The following CDC16 variants were observed in gnomAD, a reference collection of about 807,000 sequenced individuals.
CDC16 encodes the protein cell division cycle 16.
A neutral mutation model predicts 87.0 loss-of-function variants in CDC16; 34 were observed. The observed-to-expected ratio is 0.39, with a 90% CI of 0.30 to 0.52. CDC16 has a LOEUF of 0.52. Among genes scored for constraint, CDC16 ranks in the 20% least tolerant of loss-of-function variants. CDC16 has a pLI of 0.74. For missense variants in CDC16, 653 were observed against 751.9 expected (o/e 0.87, Z 1.54); for synonymous variants, 263 against 260.6 (o/e 1.01, Z -0.09).
Position 114,259,313 on chromosome 13 carries a change from A to G in CDC16, c.1251-22A>G, listed in dbSNP as rs577377184. ...ATTTGCTAATTTCGAATAATCTGCA[A>G]CCTTTTTTCCTTTCATTTTAGATGG... is the stretch of plus-strand genomic sequence containing the variant. On this transcript the variant is annotated intron_variant, in intron 13 of 17. Coordinates refer to ENST00000356221, the MANE Select transcript of CDC16 (RefSeq NM_001078645.3). 7.7e-6 allele frequency: 12 copies of G among 1,557,494 alleles called. No homozygotes were observed. In the African/African-American group the frequency reaches 1.4e-4, roughly 18 times the overall value.
At chr13:114,264,601 A>G (rs1278899033) in intron 16 of CDC16, among the ~76,000 whole-genome samples, 2 of 151,656 alleles carry the variant, frequency 1.3e-5, no homozygotes, top group African/African-American at 4.8e-5. Flanking sequence ...AGAACTCTGT[A>G]TGGAGATAGA....
At chr13:114,268,257 A>C (rs1443159433) in intron 17 of CDC16, among the ~76,000 whole-genome samples, 1 of 152,184 alleles carries the variant, frequency 6.6e-6, no homozygotes, top group Non-Finnish European at 1.5e-5. Context: ...ATAAATCCCA[A>C]AATTTGGGCT....
rs1057287933 is a variant in CDC16, at chr13:114,257,193, A to G, written c.1213A>G (p.Met405Val). The change falls in exon 13 of 18, where the codon ATG (methionine) becomes GTG (valine). Residue 405 changes from methionine (M) to valine (V), a missense_variant. By Grantham distance (21) the Met-to-Val change is conservative. Transcript: ENST00000356221. ...CATTGCACCGGAAGACCCTTTTGTT[A>G]TGCATGAGGTCGGCGTGGTTGCATT... ...LSIAPEDPFV[M>V]HEVGVVAFQN... is the part of the protein sequence containing the mutation. 5.6e-6 allele frequency: 9 copies of G among 1,613,000 alleles called. No individual in the cohort carries two copies. Among genetic ancestry groups the G allele is most frequent in the Non-Finnish European group, 7.6e-6 (9 of 1,179,316 alleles).
At chr13:114,253,958 A>C (rs190367565) in intron 12 of CDC16, among the ~76,000 whole-genome samples, 32 of 152,284 alleles carry the variant, frequency 2.1e-4, no homozygotes, top group Non-Finnish European at 4.3e-4. Context: ...ATTTCACTTC[A>C]TATATTCTGA....
At chr13:114,239,731 A>G (rs545446831) in intron 5 of CDC16, among the ~76,000 whole-genome samples, 1 of 152,272 alleles carries the variant, frequency 6.6e-6, no homozygotes, top group African/African-American at 2.4e-5. Flanking sequence ...CTTCCTTCTC[A>G]TATTTGATGC....
intron 12 of CDC16, among the ~76,000 whole-genome samples, chr13:114,254,177 G>T (rs181197466): frequency 2.1e-3 from 315 of 151,944 alleles, no homozygotes; most frequent in African/African-American, 7.1e-3. Flanking sequence ...TTCAACTTGT[G>T]TTTTGAATCT....
At chr13:114,251,218 T>G (rs1045098654) in intron 12 of CDC16, among the ~76,000 whole-genome samples, 2 of 152,164 alleles carry the variant, frequency 1.3e-5, no homozygotes, top group African/African-American at 4.8e-5. Flanking sequence ...ACTGCATCCC[T>G]GCCTGGAGAG....
chr13:114,241,573 A>G (rs1185416602), intron 5 of CDC16, among the ~76,000 whole-genome samples: 2 of 152,248 alleles, frequency 1.3e-5, no homozygotes, highest in African/African-American at 4.8e-5. Context: ...TAGCCGTGAC[A>G]TGTACTTTTG....
rs370689410 is a variant in CDC16 at position 114,269,965 on chromosome 13, G to A, written c.1604-2219G>A. 1.9e-3 allele frequency among the ~76,000 whole-genome samples: 283 copies of A among 152,278 alleles called. 1 individual carries two copies. Among genetic ancestry groups the A allele is most frequent in the Middle Eastern group, 3.4e-3 (1 of 292 alleles). On this transcript the variant is annotated intron_variant, in intron 17 of 17. Coordinates refer to ENST00000356221, the MANE Select transcript of CDC16 (RefSeq NM_001078645.3). ...GGGTGATCCGCCCGCCTCAGTCTCC[G>A]AAAGTGCTGGGATTATAGGCGTGAG...
At chr13:114,243,416 GTCTTATAT>G (rs2081662236) in intron 7 of CDC16, 68 bp downstream of exon 7, 1 of 779,546 alleles carries the variant, frequency 1.3e-6, no homozygotes, top group South Asian at 1.5e-5. Context: ...TTGGCATCTA[GTCTTATAT>G]TAAGTTTTCA....
chr13:114,267,611 A>G (rs779601327), intron 17 of CDC16, among the ~76,000 whole-genome samples: 1 of 152,268 alleles, frequency 6.6e-6, no homozygotes, highest in African/African-American at 2.4e-5. Flanking sequence ...TATGCCATAT[A>G]CATTTCTGTG....
At chr13:114,245,054 G>T (rs1041355682) in intron 9 of CDC16, 85 bp downstream of exon 9, 63 of 741,422 alleles carry the variant, frequency 8.5e-5, no homozygotes, top group Non-Finnish European at 1.3e-4. Context: ...TGAAATTCTG[G>T]ATAGTTGAGA....
intron 17 of CDC16, among the ~76,000 whole-genome samples, chr13:114,266,020 C>G (rs2083190735): frequency 6.6e-6 from 1 of 152,158 alleles, no homozygotes; most frequent in African/African-American, 2.4e-5. Flanking sequence ...TCTCCATGTT[C>G]AGGCCAGACT....
At chr13:114,264,061 C>T (rs540261299) in intron 16 of CDC16, among the ~76,000 whole-genome samples, 36 of 152,182 alleles carry the variant, frequency 2.4e-4, no homozygotes, top group Non-Finnish European at 4.9e-4. Flanking sequence ...AACTCATGAG[C>T]GCTTCGTAAC....
intron 3 of CDC16, among the ~76,000 whole-genome samples, chr13:114,237,174 A>C (rs1022292652): frequency 6.6e-6 from 1 of 151,704 alleles, no homozygotes; most frequent in African/African-American, 2.4e-5. Flanking sequence ...CAGTGAGCTG[A>C]GTTCGTGCAT....
At chr13:114,250,743 A>G in intron 12 of CDC16, 69 bp downstream of exon 12, 2 of 1,467,520 alleles carry the variant, frequency 1.4e-6, no homozygotes, top group Non-Finnish European at 1.9e-6. Context: ...AATTTCTATT[A>G]CTATTACTGC....
chr13:114,250,465 C>A, intron 11 of CDC16, 84 bp from the exon 12 acceptor site: 1 of 1,357,998 alleles, frequency 7.4e-7, no homozygotes, highest in Non-Finnish European at 1.0e-6. Context: ...GCACTCCAGC[C>A]TGAGCGACAA....
At position 114,235,144 on chromosome 13, in the gene CDC16, C is replaced by A. The variant is rs1355228137; in HGVS notation, c.48+12C>A. The A allele has an allele frequency of 4.0e-6, 5 of 1,241,670 alleles. No individual in the cohort carries two copies. Among genetic ancestry groups the A allele is most frequent in the Non-Finnish European group, 5.0e-6 (5 of 992,464 alleles). The allele number at this position is 1,241,670 out of a possible 1,614,324, so 76.9% of individuals were successfully genotyped here. On this transcript the variant is annotated intron_variant, in intron 1 of 17. Transcript: ENST00000356221. The stretch of plus-strand genomic sequence containing the variant: ...AGTACCTCGACCAGGTGGGCGGCCC[C>A]GACTCGGGGTGCGGGGCCCAGGCCT...
chr13:114,269,237 C>G (rs1049687849), intron 17 of CDC16, among the ~76,000 whole-genome samples: 1 of 152,130 alleles, frequency 6.6e-6, no homozygotes, highest in African/African-American at 2.4e-5. Flanking sequence ...TCTTAGGTTT[C>G]TTTGTAGCAC....
Sources: allele counts gnomAD v4.1 joint callset (sites outside exome capture counted in the v4.1 genomes callset), GRCh38; gene constraint gnomAD v4.1.1; transcripts MANE v1.5; gene names NCBI Gene and HGNC (gene_info 2026-07-23, HGNC 2026-07-21).